Variants in CTNNA2 observed in about 807,000 individuals in gnomAD.
The protein encoded by CTNNA2 is catenin alpha 2.
In CTNNA2, 42 loss-of-function variants were observed where a neutral mutation model predicts 101.0. The observed-to-expected ratio is 0.42, with a 90% CI of 0.32 to 0.54. CTNNA2 has a LOEUF of 0.54. Ranked by LOEUF, CTNNA2 falls within the 20% of genes least tolerant of loss-of-function variation. CTNNA2 has a pLI of 0.14. For synonymous variants in CTNNA2, 450 were observed against 456.4 expected, an observed-to-expected ratio of 0.99 and a Z score of 0.18; for missense variants, 871 against 1,223.1, an observed-to-expected ratio of 0.71 and a Z score of 4.29.
intron 2 of CTNNA2, among the ~76,000 whole-genome samples, chr2:79,293,978 G>A (rs1675900348): frequency 6.6e-6 from 1 of 152,038 alleles, no homozygotes; most frequent in Non-Finnish European, 1.5e-5. Flanking sequence ...TTGTAGAATG[G>A]AATGAAATAA....
intron 2 of CTNNA2, among the ~76,000 whole-genome samples, chr2:79,210,635 T>C (rs930038415): frequency 1.3e-5 from 2 of 152,158 alleles, no homozygotes; most frequent in African/African-American, 4.8e-5. Context: ...TCTGTGACAG[T>C]AGGGGAAGGT....
chr2:79,628,487 G>A (rs567817353), intron 1 of CTNNA2, among the ~76,000 whole-genome samples: 12 of 151,790 alleles, frequency 7.9e-5, no homozygotes, highest in East Asian at 7.8e-4. Flanking sequence ...TTCAATATCC[G>A]GTTGTCAACT....
rs373324554 is a variant in CTNNA2 at position 80,317,128 on chromosome 2, CTG to C, written c.1057-76081_1057-76080del. ...ACTAAACCAGACCTGGTCCAAGAGACTGTAAAATGGCTAGTGTGCTCAAGTGA... is the reference window on the plus strand; with the variant it reads ...ACTAAACCAGACCTGGTCCAAGAGACTAAAATGGCTAGTGTGCTCAAGTGA... On this transcript the variant is annotated intron_variant, in intron 7 of 18. Transcript: ENST00000402739. 4.6e-4 allele frequency among the ~76,000 whole-genome samples: 70 copies of C among 152,230 alleles called. No individual in the cohort carries two copies. The East Asian group carries it at 0.011, about 23-fold the overall frequency.
At chr2:79,942,956 C>A (rs1289480823) in intron 7 of CTNNA2, among the ~76,000 whole-genome samples, 2 of 152,174 alleles carry the variant, frequency 1.3e-5, no homozygotes, top group African/African-American at 2.4e-5. Flanking sequence ...GTGGCTTATG[C>A]CTGTAATCCC....
intron 5 of CTNNA2, among the ~76,000 whole-genome samples, chr2:79,872,458 T>A (rs913456262): frequency 2.0e-5 from 3 of 152,214 alleles, no homozygotes; most frequent in Non-Finnish European, 4.4e-5. Flanking sequence ...AAGGTTTTCA[T>A]GACTGTTTGG....
At chr2:80,629,791 A>G (rs1375467520) in intron 18 of CTNNA2, among the ~76,000 whole-genome samples, 1 of 152,162 alleles carries the variant, frequency 6.6e-6, no homozygotes, top group Non-Finnish European at 1.5e-5. Context: ...AGTAGTGATA[A>G]TCACAAACAT....
chr2:79,707,893 A>G (rs984714297), intron 2 of CTNNA2, among the ~76,000 whole-genome samples: 1 of 152,194 alleles, frequency 6.6e-6, no homozygotes, highest in African/African-American at 2.4e-5. Context: ...ACTGAACTCT[A>G]GATACCCTGA....
intron 7 of CTNNA2, among the ~76,000 whole-genome samples, chr2:80,166,351 G>A (rs1704694971): frequency 6.6e-6 from 1 of 152,140 alleles, no homozygotes; most frequent in Admixed American, 6.5e-5. Context: ...ACTGGAGATT[G>A]ACTCAGTCAG....
At position 79,187,094 on chromosome 2, in the gene CTNNA2, T is replaced by A. The variant is rs10201294; in HGVS notation, c.-524+1663T>A. Among the ~76,000 whole-genome samples, 402 of 152,022 alleles carry A rather than the reference T, an allele frequency of 2.6e-3. 2 individuals carry two copies. The highest frequency in any genetic ancestry group is 9.0e-3 in the African/African-American group (375 of 41,464). ...ATTGAAAATAATGGTGGAATGGGGGTGTTTATGAATGGTATTATATCAAGA... is the reference window on the plus strand; with the variant it reads ...ATTGAAAATAATGGTGGAATGGGGGAGTTTATGAATGGTATTATATCAAGA... On this transcript the variant is annotated intron_variant, in intron 1 of 21. Transcript: ENST00000466387.
chr2:79,982,935 G>A (rs1363384243), intron 7 of CTNNA2, among the ~76,000 whole-genome samples: 1 of 151,840 alleles, frequency 6.6e-6, no homozygotes, highest in African/African-American at 2.4e-5. Flanking sequence ...TCATTTATGA[G>A]GAACCAAGCT....
At chr2:79,648,056 T>C (rs1162803378) in intron 1 of CTNNA2, among the ~76,000 whole-genome samples, 1 of 152,212 alleles carries the variant, frequency 6.6e-6, no homozygotes, top group African/African-American at 2.4e-5. Flanking sequence ...GAAAATATTC[T>C]CTTCTCATGG....
chr2:79,779,448 G>C (rs189318647), intron 3 of CTNNA2, among the ~76,000 whole-genome samples: 1 of 152,280 alleles, frequency 6.6e-6, no homozygotes, highest in East Asian at 1.9e-4. Flanking sequence ...TGCCTGCCTA[G>C]AGCATATAAG....
At chr2:79,857,099 T>C (rs1188571425) in intron 3 of CTNNA2, among the ~76,000 whole-genome samples, 1 of 152,234 alleles carries the variant, frequency 6.6e-6, no homozygotes, top group Non-Finnish European at 1.5e-5. Context: ...GTCTCTGTAC[T>C]CAGCATGGGG....
At chr2:80,460,104 C>T (rs1684301774) in intron 9 of CTNNA2, among the ~76,000 whole-genome samples, 1 of 152,092 alleles carries the variant, frequency 6.6e-6, no homozygotes, top group Admixed American at 6.6e-5. Context: ...AGACTCTATA[C>T]ATAAGTCAGA....
intron 2 of CTNNA2, among the ~76,000 whole-genome samples, chr2:79,718,235 G>A (rs1686237972): frequency 6.6e-6 from 1 of 152,086 alleles, no homozygotes; most frequent in Non-Finnish European, 1.5e-5. Context: ...ACGTTTATGA[G>A]ATATCTGGCC....
chr2:80,582,496 C>T (rs1392327102), intron 14 of CTNNA2, among the ~76,000 whole-genome samples: 1 of 152,150 alleles, frequency 6.6e-6, no homozygotes, highest in Non-Finnish European at 1.5e-5. Context: ...CATTTGAGTA[C>T]TCCATGATAC....
chr2:79,445,768 C>T (rs1378045216), intron 4 of CTNNA2, among the ~76,000 whole-genome samples: 3 of 152,008 alleles, frequency 2.0e-5, no homozygotes, highest in African/African-American at 7.2e-5. Flanking sequence ...CCTGTGTGCA[C>T]AAGCAGATAA....
chr2:79,248,412 A>G lies in CTNNA2; in HGVS notation c.-406+50336A>G, dbSNP rs115916387. On this transcript the variant is annotated intron_variant, in intron 2 of 21. Transcript: ENST00000466387. ...AATTTCTATATATAATATAAAAATT[A>G]TTAATGAGTTTTTTAATATAATTTT... 5.2e-3 allele frequency among the ~76,000 whole-genome samples: 789 copies of G among 151,972 alleles called. 6 individuals carry two copies. The highest frequency in any genetic ancestry group is 0.018 in the African/African-American group (755 of 41,534).
At chr2:80,270,602 C>G (rs1345065554) in intron 7 of CTNNA2, among the ~76,000 whole-genome samples, 2 of 152,138 alleles carry the variant, frequency 1.3e-5, no homozygotes, top group Non-Finnish European at 2.9e-5. Flanking sequence ...TGTGTTCTCA[C>G]TATATGATAG....
Sources: allele counts gnomAD v4.1 joint callset (sites outside exome capture counted in the v4.1 genomes callset), GRCh38; gene constraint gnomAD v4.1.1; transcripts MANE v1.5; gene names NCBI Gene and HGNC (gene_info 2026-07-23, HGNC 2026-07-21).